DLGAP1: variants seen among roughly 807,000 people sequenced by gnomAD.
DLGAP1 encodes DLG associated protein 1, also known as disks large-associated protein 1.
A neutral mutation model predicts 90.8 loss-of-function variants in DLGAP1; 11 were observed. The ratio of observed to expected loss-of-function variants is 0.12; its 90% confidence interval spans 0.08 to 0.20. The LOEUF is 0.20. Ranked by LOEUF, DLGAP1 falls within the 10% of genes least tolerant of loss-of-function variation. The pLI is 1.00. For missense variants in DLGAP1, 1,050 were observed against 1,333.8 expected, an observed-to-expected ratio of 0.79 and a Z score of 3.31; for synonymous variants, 558 against 540.7, an observed-to-expected ratio of 1.03 and a Z score of -0.44.
chr18:4,273,169 A>G (rs1176475109), intron 1 of DLGAP1, among the ~76,000 whole-genome samples: 1 of 152,216 alleles, frequency 6.6e-6, no homozygotes, highest in African/African-American at 2.4e-5. Context: ...CTAATACAGC[A>G]TTGAAACAAA....
intron 7 of DLGAP1, among the ~76,000 whole-genome samples, chr18:3,679,220 AT>A (rs11348049): frequency 0.48 from 68,552 of 142,926 alleles, 17,895 homozygotes; most frequent in African/African-American, 0.72. Context: ...ACCCCCATGG[AT>A]TTTTTATCTT....
At chr18:4,193,842 C>T (rs900160244) in intron 1 of DLGAP1, among the ~76,000 whole-genome samples, 45 of 152,126 alleles carry the variant, frequency 3.0e-4, no homozygotes, top group African/African-American at 8.7e-4. Flanking sequence ...AACTTGGTAA[C>T]ACTGCCAACA....
At chr18:3,514,475 T>G (rs2050716609) in intron 10 of DLGAP1, among the ~76,000 whole-genome samples, 1 of 152,190 alleles carries the variant, frequency 6.6e-6, no homozygotes, top group African/African-American at 2.4e-5. Flanking sequence ...ACGGTAGATA[T>G]GCTACATAGA....
chr18:3,986,041 C>T (rs1029785320), intron 3 of DLGAP1: 1 of 152,176 alleles, frequency 6.6e-6, no homozygotes, highest in Admixed American at 6.5e-5. Flanking sequence ...TATAACAACA[C>T]AGTCCTTCAT....
chr18:3,935,037 G>A (rs182106922), intron 3 of DLGAP1, among the ~76,000 whole-genome samples: 13 of 152,278 alleles, frequency 8.5e-5, no homozygotes, highest in East Asian at 5.8e-4. Context: ...AAAATCATCC[G>A]CCTAATGAAG....
At chr18:3,735,377 G>T (rs1010855505) in intron 6 of DLGAP1, among the ~76,000 whole-genome samples, 3 of 152,080 alleles carry the variant, frequency 2.0e-5, no homozygotes, top group African/African-American at 7.2e-5. Flanking sequence ...GTGACACCAC[G>T]CCTGGCTAAC....
chr18:3,530,966 G>A (rs1418743417), intron 10 of DLGAP1, among the ~76,000 whole-genome samples: 2 of 152,144 alleles, frequency 1.3e-5, no homozygotes, highest in Non-Finnish European at 1.5e-5. Context: ...GGAGCTGTGA[G>A]TGAGAGAGTG....
intron 7 of DLGAP1, among the ~76,000 whole-genome samples, chr18:3,621,497 C>A (rs1261016294): frequency 1.3e-5 from 2 of 152,132 alleles, no homozygotes; most frequent in Non-Finnish European, 2.9e-5. Context: ...AGGTATAAAC[C>A]CACTGTAACC....
chr18:4,319,762 C>G (rs2080630976), intron 1 of DLGAP1, among the ~76,000 whole-genome samples: 2 of 152,178 alleles, frequency 1.3e-5, no homozygotes, highest in Non-Finnish European at 2.9e-5. Context: ...AAATCCCCAT[C>G]TGGCTTAGGC....
chr18:3,562,556 T>C (rs1188483016), intron 9 of DLGAP1, among the ~76,000 whole-genome samples: 1 of 145,938 alleles, frequency 6.9e-6, no homozygotes, highest in Non-Finnish European at 1.5e-5. Flanking sequence ...TTTTTTTTTT[T>C]TTTTTTTAGA....
At position 3,729,247 on chromosome 18, in the gene DLGAP1, G is replaced by T; in HGVS notation, c.1479C>A (p.Ser493Arg). Reference protein sequence around the residue: ...MPGCFRMRSHSYVRAIEKGCS... With the variant: ...MPGCFRMRSHRYVRAIEKGCS... The stretch of plus-strand genomic sequence containing the variant: ...AGCCTTTCTCAATGGCCCGCACATA[G>T]CTGTGGCTCCGCATGCGGAAGCAGC... Residue 493 changes from serine (S) to arginine (R), a missense_variant, in exon 7 of 13, where the codon AGC becomes AGA. This residue lies in a region of DLGAP1 where 565 missense variants were observed against 879.7 expected (regional missense o/e 0.64). Transcript: ENST00000315677. The surrounding 1 kb of genome is among the most constrained non-coding windows in gnomAD (Gnocchi z 6.2). The T allele has an allele frequency of 6.2e-7, 1 of 1,614,032 alleles. No homozygotes were observed. Among genetic ancestry groups the T allele is most frequent in the Non-Finnish European group, 8.5e-7 (1 of 1,179,950 alleles).
chr18:3,584,870 A>C (rs1228136611), intron 7 of DLGAP1, among the ~76,000 whole-genome samples: 1 of 152,014 alleles, frequency 6.6e-6, no homozygotes, highest in East Asian at 1.9e-4. Context: ...TCCCACTTCA[A>C]TCTCTTGAGC....
At chr18:3,568,904 T>A (rs926461252) in intron 8 of DLGAP1, among the ~76,000 whole-genome samples, 3 of 152,018 alleles carry the variant, frequency 2.0e-5, no homozygotes, top group African/African-American at 4.8e-5. Context: ...GCCAGGATGG[T>A]CTCGATCTCC....
At chr18:3,834,135 T>C (rs2068225047) in intron 4 of DLGAP1, among the ~76,000 whole-genome samples, 1 of 151,486 alleles carries the variant, frequency 6.6e-6, no homozygotes, top group Non-Finnish European at 1.5e-5. Context: ...TGAAACTCCG[T>C]CTCTACTAAA....
intron 7 of DLGAP1, among the ~76,000 whole-genome samples, chr18:3,682,257 C>T (rs2060547894): frequency 6.6e-6 from 1 of 152,200 alleles, no homozygotes; most frequent in Non-Finnish European, 1.5e-5. Context: ...CCTGCCCCCT[C>T]TTCACCTTCC....
chr18:3,964,546 G>C (rs1385394370), intron 3 of DLGAP1, among the ~76,000 whole-genome samples: 4 of 152,122 alleles, frequency 2.6e-5, no homozygotes, highest in Non-Finnish European at 5.9e-5. Context: ...ATACGAGATG[G>C]GAATCTTCGC....
At chr18:4,251,170 G>A (rs2078771497) in intron 1 of DLGAP1, among the ~76,000 whole-genome samples, 1 of 152,188 alleles carries the variant, frequency 6.6e-6, no homozygotes, top group Non-Finnish European at 1.5e-5. Flanking sequence ...TTGAGAGAGG[G>A]AGAGATAGAT....
intron 7 of DLGAP1, among the ~76,000 whole-genome samples, chr18:3,671,527 A>G (rs1382469316): frequency 6.6e-6 from 1 of 152,180 alleles, no homozygotes; most frequent in Non-Finnish European, 1.5e-5. Flanking sequence ...TTGGCAATGC[A>G]TGTTTTCCTG....
At chr18:4,247,530 C>T (rs556106205) in intron 1 of DLGAP1, among the ~76,000 whole-genome samples, 1 of 152,260 alleles carries the variant, frequency 6.6e-6, no homozygotes, top group African/African-American at 2.4e-5. Context: ...AATCCCAGCA[C>T]TTTCGGAGGC....
Sources: gnomAD v4.1 joint callset for allele counts (sites outside exome capture counted in the v4.1 genomes callset) on GRCh38, gnomAD v4.1.1 for gene constraint, gnomAD v4.1.1 regional missense constraint, Gnocchi (gnomAD v3.1) non-coding constraint, MANE v1.5 for transcripts, NCBI Gene and HGNC (gene_info 2026-07-23, HGNC 2026-07-21) for gene names.